Variants in OPRM1 observed in about 807,000 individuals in gnomAD.
The protein encoded by OPRM1 is mu-type opioid receptor.
Under a neutral mutation model 31.8 loss-of-function variants are expected in OPRM1, and 27 were observed. The ratio of observed to expected loss-of-function variants is 0.85; its 90% CI spans 0.63 to 1.17. The LOEUF (loss-of-function observed/expected upper bound fraction) is 1.17, where lower values mean the gene tolerates loss of function less well. Among genes scored for constraint, OPRM1 ranks in the 50% most tolerant of loss-of-function variants. The pLI is 0.00. For missense variants in OPRM1, 536 were observed against 511.1 expected, an observed-to-expected ratio of 1.05 and a Z score of -0.47; for synonymous variants, 196 against 189.9, an observed-to-expected ratio of 1.03 and a Z score of -0.26.
intron 3 of OPRM1, among the ~76,000 whole-genome samples, chr6:154,095,466 T>C (rs1793199205): frequency 6.6e-6 from 1 of 152,226 alleles, no homozygotes; most frequent in Non-Finnish European, 1.5e-5. Flanking sequence ...CCTAACCCTC[T>C]TACCGTCAGT....
At chr6:154,140,336 T>TA (rs71021025) in intron 3 of OPRM1, among the ~76,000 whole-genome samples, 39,847 of 145,576 alleles carry the variant, frequency 0.27, 5,430 homozygotes, top group Non-Finnish European at 0.3. Context: ...TATTTTATTT[T>TA]TTTTTTTTTT....
At chr6:154,079,437 C>A (rs1044069373) in intron 1 of OPRM1, among the ~76,000 whole-genome samples, 14 of 152,076 alleles carry the variant, frequency 9.2e-5, no homozygotes, top group Admixed American at 7.9e-4. Flanking sequence ...AGGGCAGAGA[C>A]CAGAGAGATA....
chr6:154,100,766 A>G (rs1794716781), intron 3 of OPRM1, among the ~76,000 whole-genome samples: 1 of 151,634 alleles, frequency 6.6e-6, no homozygotes, highest in Non-Finnish European at 1.5e-5. Context: ...AGAAATCCCA[A>G]GAATACTAGA....
intron 3 of OPRM1, among the ~76,000 whole-genome samples, chr6:154,198,990 T>C (rs1331693613): frequency 6.6e-6 from 1 of 152,234 alleles, no homozygotes; most frequent in Non-Finnish European, 1.5e-5. Flanking sequence ...TGAACAGTAA[T>C]AAAAATAAGT....
At position 154,140,737 on chromosome 6, in the gene OPRM1, G is replaced by A. The variant is rs1798184052; in HGVS notation, c.1164+49265G>A. On this transcript the variant is annotated intron_variant, in intron 3 of 3. Coordinates refer to the OPRM1 transcript ENST00000337049. ...TCATAGATATACAGGTCAACCCACA[G>A]AGGGCACCCTGCCTACACTCCCTAC... is the stretch of plus-strand genomic sequence containing the variant. 2.0e-5 allele frequency among the ~76,000 whole-genome samples: 3 copies of A among 152,144 alleles called. 1 individual carries two copies. The South Asian group carries it at 6.2e-4, about 32-fold the overall frequency.
At position 154,239,012 on chromosome 6, in the gene OPRM1, G is replaced by A. The variant is rs749785052; in HGVS notation, c.1165-7681G>A. On this transcript the variant is annotated intron_variant, in intron 3 of 3. Transcript: ENST00000337049. ...AGAAAAGAAGGAAGCTGTATCCCCT[G>A]AGTGGGCATTTCACTGCTGTGAGCT... Among the ~76,000 whole-genome samples, 115 of 152,036 alleles carry A rather than the reference G, an allele frequency of 7.6e-4. 1 individual carries two copies. The highest frequency in any genetic ancestry group is 2.3e-3 in the African/African-American group (96 of 41,464).
intron 3 of OPRM1, among the ~76,000 whole-genome samples, chr6:154,162,265 C>T (rs946467861): frequency 1.3e-5 from 2 of 152,218 alleles, no homozygotes; most frequent in African/African-American, 4.8e-5. Context: ...CACTGGTACA[C>T]ATGTTTGCTG....
chr6:154,042,210 C>G lies in OPRM1; in HGVS notation c.290+2376C>G, dbSNP rs75765174. ...TGTGACTGTGAAACAGAAAAATGGG[C>G]AAGTTAGTGACAGATGAAGCGACAG... is the stretch of plus-strand genomic sequence containing the variant. On this transcript the variant is annotated intron_variant, in intron 1 of 3. Coordinates refer to ENST00000330432, the MANE Select transcript of OPRM1 (RefSeq NM_000914.5). Among the ~76,000 whole-genome samples the G allele has an allele frequency of 4.2e-3, 646 of 152,204 alleles. 4 individuals carry two copies. Among genetic ancestry groups the G allele is most frequent in the Middle Eastern group, 0.02 (6 of 294 alleles).
At chr6:154,212,384 C>T (rs980949409) in intron 3 of OPRM1, among the ~76,000 whole-genome samples, 1 of 152,104 alleles carries the variant, frequency 6.6e-6, no homozygotes, top group Non-Finnish European at 1.5e-5. Flanking sequence ...CTTTTTTCAT[C>T]CTAAATTCAT....
At chr6:154,234,409 G>C (rs1166916325) in intron 3 of OPRM1, among the ~76,000 whole-genome samples, 1 of 152,024 alleles carries the variant, frequency 6.6e-6, no homozygotes, top group East Asian at 1.9e-4. Context: ...GTATCTCCTG[G>C]ATCACTTCTC....
At position 154,208,113 on chromosome 6, in the gene OPRM1, T is replaced by G. The variant is rs1777652092; in HGVS notation, c.1165-38580T>G. Among the ~76,000 whole-genome samples the G allele has an allele frequency of 3.3e-5, 5 of 152,308 alleles. No individual in the cohort carries two copies. The South Asian group carries it at 1.0e-3, about 32-fold the overall frequency. On this transcript the variant is annotated intron_variant, in intron 3 of 3. Coordinates refer to the OPRM1 transcript ENST00000337049. ...CTCCATTTGAAATGGAAGTTGATTA[T>G]ATCCCTCCTCTGCTCAAACCTTTCA...
intron 1 of OPRM1, among the ~76,000 whole-genome samples, chr6:154,085,281 G>T (rs1440929229): frequency 2.0e-5 from 3 of 152,198 alleles, no homozygotes; most frequent in African/African-American, 7.2e-5. Context: ...TAGGTGAGCT[G>T]CCAGCAAATG....
intron 3 of OPRM1, among the ~76,000 whole-genome samples, chr6:154,103,591 A>G (rs2128506832): frequency 6.6e-6 from 1 of 152,326 alleles, no homozygotes; most frequent in Middle Eastern, 3.4e-3. Flanking sequence ...AAGTTTATTA[A>G]GAAAGTAAAG....
At chr6:154,035,808 G>T (rs1463572246), upstream of OPRM1, among the ~76,000 whole-genome samples, 2 of 152,072 alleles carry the variant, frequency 1.3e-5, no homozygotes, top group East Asian at 3.8e-4. Context: ...TGCATGATAT[G>T]GGTTTGATAG....
chr6:154,099,365 GAGAA>G (rs369263305), intron 3 of OPRM1, among the ~76,000 whole-genome samples: 8 of 144,722 alleles, frequency 5.5e-5, no homozygotes, highest in African/African-American at 1.8e-4. Flanking sequence ...GAGAGAGAGA[GAGAA>G]AGAAAGAGAA....
At chr6:154,058,174 G>T (rs547621331) in intron 1 of OPRM1, among the ~76,000 whole-genome samples, 3 of 152,038 alleles carry the variant, frequency 2.0e-5, no homozygotes. Context: ...GAATTAACAT[G>T]CTTTCTACAC....
intron 3 of OPRM1, among the ~76,000 whole-genome samples, chr6:154,238,154 T>C (rs1780287597): frequency 6.6e-6 from 1 of 152,234 alleles, no homozygotes; most frequent in South Asian, 2.1e-4. Flanking sequence ...GACAACAGCA[T>C]CATGTATGAT....
At chr6:154,030,207 T>C (rs1186412176) in intron 1 of OPRM1, among the ~76,000 whole-genome samples, 4 of 146,892 alleles carry the variant, frequency 2.7e-5, no homozygotes, top group African/African-American at 1.1e-4. Flanking sequence ...TTGGTGTGCA[T>C]TTACGTTTAA....
At position 154,040,139 on chromosome 6, in the gene OPRM1, C is replaced by T. The variant is rs145537575; in HGVS notation, c.290+305C>T. Among the ~76,000 whole-genome samples, 861 of 152,202 alleles carry T rather than the reference C, an allele frequency of 5.7e-3. 6 individuals carry two copies. Among genetic ancestry groups the T allele is most frequent in the African/African-American group, 0.02 (820 of 41,526 alleles). The stretch of plus-strand genomic sequence containing the variant: ...GCTATAGCATAGACTTGGAGCGCTT[C>T]CTTATACTGAGCAAAGAGGGCTCTT... On this transcript the variant is annotated intron_variant, in intron 1 of 3. Coordinates refer to ENST00000330432, the MANE Select transcript of OPRM1 (RefSeq NM_000914.5).
Sources: allele counts gnomAD v4.1 joint callset (sites outside exome capture counted in the v4.1 genomes callset), GRCh38; gene constraint gnomAD v4.1.1; transcripts MANE v1.5; gene names NCBI Gene and HGNC (gene_info 2026-07-23, HGNC 2026-07-21).